The following RABL6 variants were observed in gnomAD, a reference collection of about 807,000 sequenced individuals.
The protein encoded by RABL6 is rab-like protein 6.
Under a neutral mutation model 72.9 loss-of-function variants are expected in RABL6, and 28 were observed. The ratio of observed to expected loss-of-function variants is 0.38; its 90% confidence interval spans 0.28 to 0.53. The LOEUF is 0.53. Among genes scored for constraint, RABL6 ranks in the 20% least tolerant of loss-of-function variants. RABL6 has a pLI of 0.80. For synonymous variants in RABL6, 477 were observed against 421.2 expected (o/e 1.13, Z -1.62); for missense variants, 1,029 against 1,008.4 (o/e 1.02, Z -0.28).
chr9:136,809,119 T>C (rs1193963293), intron 1 of RABL6: 2 of 152,312 alleles, frequency 1.3e-5, no homozygotes, highest in African/African-American at 2.4e-5. Flanking sequence ...GCCATTTCCG[T>C]ATGTTTCTAT....
At chr9:136,823,493 T>G in intron 1 of RABL6, 32 bp from the exon 2 acceptor site, 1 of 1,611,982 alleles carries the variant, frequency 6.2e-7, no homozygotes, top group African/African-American at 1.3e-5. Context: ...GTTCGTTTAA[T>G]TTGCCTTTTC....
intron 5 of RABL6, among the ~76,000 whole-genome samples, chr9:136,831,400 G>A (rs575302753): frequency 6.6e-6 from 1 of 152,214 alleles, no homozygotes; most frequent in Non-Finnish European, 1.5e-5. Context: ...GGACACAGAT[G>A]AAGCCAGAGG....
chr9:136,828,283 G>A (rs967702478), intron 3 of RABL6: 8 of 566,092 alleles, frequency 1.4e-5, no homozygotes, highest in South Asian at 6.2e-5. Flanking sequence ...GTCCAGGCCC[G>A]GCCCAGCCCT....
intron 1 of RABL6, among the ~76,000 whole-genome samples, chr9:136,812,282 G>A (rs894817883): frequency 6.6e-6 from 1 of 152,104 alleles, no homozygotes; most frequent in Non-Finnish European, 1.5e-5. Context: ...TTAGCAGGCC[G>A]GGCACGGTGG....
At chr9:136,828,640 C>T (rs1848408173) in intron 4 of RABL6, 94 bp downstream of exon 4, 3 of 1,369,722 alleles carry the variant, frequency 2.2e-6, no homozygotes, top group Admixed American at 3.6e-5. Context: ...ACCCCAACCA[C>T]CCCAGTTATG....
chr9:136,818,686 A>G (rs989284184), intron 1 of RABL6, among the ~76,000 whole-genome samples: 3 of 152,116 alleles, frequency 2.0e-5, no homozygotes, highest in African/African-American at 7.2e-5. Context: ...TGGAGGTTGC[A>G]GTGAGCCAAG....
chr9:136,834,929 T>TAA lies in RABL6; in HGVS notation c.706-792_706-791dup, dbSNP rs71385775. On this transcript the variant is annotated intron_variant, in intron 7 of 14. Transcript: ENST00000311502. ...AATATAATATAGCATGACCCTGTTC[T>TAA]AAAAAAAAAAAAAAAAAAAAAATCT... 2.6e-3 allele frequency among the ~76,000 whole-genome samples: 190 copies of TAA among 74,254 alleles called. 1 individual carries two copies. Among genetic ancestry groups the TAA allele is most frequent in the Middle Eastern group, 0.018 (2 of 112 alleles). 48.7% of individuals were successfully genotyped at this position (74,254 alleles called of 152,430 possible). A position where few individuals can be genotyped will look rare whatever the true frequency, so the allele number is the denominator to read the frequency against.
rs1425266248 is a variant in RABL6, at chr9:136,808,124, T to C, written c.-73T>C. On this transcript the variant is annotated 5_prime_UTR_variant, in exon 1 of 15. Transcript: ENST00000311502. ...GGGGGCCGGGGCCGCCGGGACATGGTGCCAGTCGCACCCCTTCCCCGCCGC... is the reference window on the plus strand; with the variant it reads ...GGGGGCCGGGGCCGCCGGGACATGGCGCCAGTCGCACCCCTTCCCCGCCGC... The C allele has an allele frequency of 1.4e-6, 2 of 1,413,044 alleles. No individual in the cohort carries two copies. The highest frequency in any genetic ancestry group is 1.9e-6 in the Non-Finnish European group (2 of 1,071,280). 87.5% of individuals were successfully genotyped at this position (1,413,044 alleles called of 1,614,324 possible). A position where few individuals can be genotyped will look rare whatever the true frequency, so the allele number is the denominator to read the frequency against.
chr9:136,811,311 G>A (rs558877950), intron 1 of RABL6, among the ~76,000 whole-genome samples: 20 of 152,210 alleles, frequency 1.3e-4, no homozygotes, highest in African/African-American at 4.8e-4. Flanking sequence ...CAGGTCGGAG[G>A]TAGTTTAAAA....
chr9:136,820,280 A>G (rs1029097247), intron 1 of RABL6, among the ~76,000 whole-genome samples: 14 of 150,978 alleles, frequency 9.3e-5, no homozygotes, highest in African/African-American at 2.9e-4. Context: ...TGGGAGGATC[A>G]CTTGAGCCCA....
Position 136,813,292 on chromosome 9 carries a change from C to T in RABL6, c.130+4966C>T, listed in dbSNP as rs989120735. The T allele has an allele frequency of 3.6e-5, 22 of 614,182 alleles. 1 individual carries two copies. The highest frequency in any genetic ancestry group is 2.9e-4 in the East Asian group (10 of 34,604). 38.0% of individuals were successfully genotyped at this position (614,182 alleles called of 1,614,324 possible). A position where few individuals can be genotyped will look rare whatever the true frequency, so the allele number is the denominator to read the frequency against. Reference sequence around the variant, plus strand: ...AAGCGAACTGTAAGTGCATGCACACCCTTTAGATTTGCCATTTTGGTTCTG... The same window carrying T: ...AAGCGAACTGTAAGTGCATGCACACTCTTTAGATTTGCCATTTTGGTTCTG... On this transcript the variant is annotated intron_variant, in intron 1 of 14. Coordinates refer to ENST00000311502, the MANE Select transcript of RABL6 (RefSeq NM_024718.5).
chr9:136,840,740 G>A lies in RABL6; in HGVS notation c.*218G>A, dbSNP rs1156738329. 3.2e-6 allele frequency: 5 copies of A among 1,548,316 alleles called. No individual in the cohort carries two copies. The highest frequency in any genetic ancestry group is 1.4e-5 in the African/African-American group (1 of 73,004). On this transcript the variant is annotated 3_prime_UTR_variant, in exon 15 of 15. Transcript: ENST00000311502. ...CTGCTCTGCAAGAAGGGAGGGGACA[G>A]CTGGCTTCAGCCAGGCTCGGTGGAC...
chr9:136,825,672 T>C, intron 2 of RABL6, 107 bp from the exon 3 acceptor site: 3 of 1,230,122 alleles, frequency 2.4e-6, no homozygotes, highest in Non-Finnish European at 3.6e-6. Context: ...GAAGTCCTGG[T>C]GGGAGCCGGT....
At chr9:136,832,169 G>A (rs1411434902) in intron 6 of RABL6, 96 bp from the exon 7 acceptor site, 1 of 1,171,090 alleles carries the variant, frequency 8.5e-7, no homozygotes, top group Non-Finnish European at 1.3e-6. Context: ...CAGGAGGAGG[G>A]AGGGCAGTGC....
intron 7 of RABL6, 181 bp from the exon 8 acceptor site, chr9:136,835,561 T>C (rs1848570087): frequency 3.4e-6 from 2 of 584,030 alleles, no homozygotes; most frequent in Non-Finnish European, 3.0e-6. Context: ...AGGAATCCTC[T>C]GGGCTTCTGT....
chr9:136,831,672 A>G, intron 5 of RABL6, 49 bp from the exon 6 acceptor site: 2 of 1,605,022 alleles, frequency 1.2e-6, no homozygotes, highest in Admixed American at 1.7e-5. Context: ...AGGGAGGGAC[A>G]GGGCGTCGCA....
chr9:136,819,315 C>G (rs934817825), intron 1 of RABL6, among the ~76,000 whole-genome samples: 20 of 145,796 alleles, frequency 1.4e-4, no homozygotes, highest in Non-Finnish European at 2.7e-4. Flanking sequence ...GAACGAGACT[C>G]CGTCTCAAGA....
rs548702471 is a variant in RABL6, at chr9:136,823,556, G to T, written c.162G>T (p.Thr54=). The T allele has an allele frequency of 6.2e-7, 1 of 1,613,690 alleles. No individual in the cohort carries two copies. The highest frequency in any genetic ancestry group is 8.5e-7 in the Non-Finnish European group (1 of 1,179,872). ...MKIVIRGDRN[T]GKTALWHRLQ... Reference sequence around the variant, plus strand: ...TAGTGATCCGGGGAGACAGGAACACGGGCAAGACAGCGCTGTGGCACCGCC... The same window carrying T: ...TAGTGATCCGGGGAGACAGGAACACTGGCAAGACAGCGCTGTGGCACCGCC... The change falls in exon 2 of 15, where the codon ACG becomes ACT. Residue 54 remains threonine, a synonymous_variant. Coordinates refer to ENST00000311502, the MANE Select transcript of RABL6 (RefSeq NM_024718.5).
chr9:136,813,222 C>A (rs984002192), intron 1 of RABL6: 1 of 528,594 alleles, frequency 1.9e-6, no homozygotes, highest in Non-Finnish European at 3.6e-6. Context: ...CCCCCAGTTT[C>A]CCTTTTATTA....
Sources: allele counts gnomAD v4.1 joint callset (sites outside exome capture counted in the v4.1 genomes callset), GRCh38; gene constraint gnomAD v4.1.1; transcripts MANE v1.5; gene names NCBI Gene and HGNC (gene_info 2026-07-23, HGNC 2026-07-21).